The following UNC5C variants were observed in gnomAD, a reference collection of about 807,000 sequenced individuals.
UNC5C encodes netrin receptor UNC5C.
Under a neutral mutation model 99.8 loss-of-function variants are expected in UNC5C, and 47 were observed. That is an observed-to-expected ratio of 0.47 (90% CI 0.37 to 0.60). The LOEUF (loss-of-function observed/expected upper bound fraction) is 0.60. Ranked by LOEUF, UNC5C falls within the 20% of genes least tolerant of loss-of-function variation. The probability of loss-of-function intolerance (pLI) is 0.00; values close to 1 mark genes in which losing one functional copy is unlikely to be tolerated. For missense variants in UNC5C, 1,062 were observed against 1,165.9 expected (o/e 0.91, Z 1.30); for synonymous variants, 487 against 452.2 (o/e 1.08, Z -0.98).
At chr4:95,450,414 T>C (rs975363552) in intron 1 of UNC5C, among the ~76,000 whole-genome samples, 7 of 152,172 alleles carry the variant, frequency 4.6e-5, no homozygotes, top group Admixed American at 3.9e-4. Context: ...GTAGAGAGTG[T>C]GTGTCACTAT....
At chr4:95,273,273 C>T (rs1740724503) in intron 4 of UNC5C, among the ~76,000 whole-genome samples, 1 of 152,090 alleles carries the variant, frequency 6.6e-6, no homozygotes, top group Non-Finnish European at 1.5e-5. Context: ...AGCAATTATC[C>T]CCTTGTTAAA....
chr4:95,465,123 T>A (rs1278779574), intron 1 of UNC5C, among the ~76,000 whole-genome samples: 2 of 152,124 alleles, frequency 1.3e-5, no homozygotes, highest in African/African-American at 4.8e-5. Flanking sequence ...TCCAAATGAA[T>A]ACCGTATGGG....
chr4:95,476,238 T>C (rs1417251150), intron 1 of UNC5C, among the ~76,000 whole-genome samples: 1 of 152,040 alleles, frequency 6.6e-6, no homozygotes, highest in East Asian at 1.9e-4. Flanking sequence ...TTTTCAGTGG[T>C]TAGTCATGCT....
At chr4:95,245,170 T>C (rs1357630158) in intron 5 of UNC5C, 26 bp from the exon 6 acceptor site, 2 of 1,605,054 alleles carry the variant, frequency 1.2e-6, no homozygotes, top group African/African-American at 1.3e-5. Flanking sequence ...CAGTAAAAAG[T>C]GGATTAAACA....
At chr4:95,437,139 T>C (rs1443932156) in intron 1 of UNC5C, among the ~76,000 whole-genome samples, 1 of 151,958 alleles carries the variant, frequency 6.6e-6, no homozygotes, top group East Asian at 1.9e-4. Flanking sequence ...AAAGCATAGC[T>C]GAACATCAAA....
At position 95,165,464 on chromosome 4, in the gene UNC5C, T is replaced by A. The variant is rs1419308123; in HGVS notation, c.*3770A>T. ...TGGAAGATGCCGTTTGTGAAACAGCTGTTAGCTGTGAGAACCTTGGTGTTA... is the reference window on the plus strand; with the variant it reads ...TGGAAGATGCCGTTTGTGAAACAGCAGTTAGCTGTGAGAACCTTGGTGTTA... On this transcript the variant is annotated 3_prime_UTR_variant, in exon 16 of 16. Transcript: ENST00000453304. 1 of 152,218 alleles carries A rather than the reference T, an allele frequency of 6.6e-6. No homozygotes were observed. Among genetic ancestry groups the A allele is most frequent in the African/African-American group, 2.4e-5 (1 of 41,456 alleles). 9.4% of individuals were successfully genotyped at this position (152,218 alleles called of 1,614,324 possible).
chr4:95,387,173 C>T (rs769911708), intron 1 of UNC5C, among the ~76,000 whole-genome samples: 4 of 152,094 alleles, frequency 2.6e-5, no homozygotes, highest in Non-Finnish European at 4.4e-5. Flanking sequence ...AGGTCTCACT[C>T]TCTCACCCAG....
At chr4:95,509,030 G>A (rs1721997179) in intron 1 of UNC5C, among the ~76,000 whole-genome samples, 2 of 151,892 alleles carry the variant, frequency 1.3e-5, no homozygotes, top group Admixed American at 1.3e-4. Flanking sequence ...TTTCAAAAAT[G>A]AGTTTAAGTA....
chr4:95,195,334 C>T (rs890783357), intron 12 of UNC5C, among the ~76,000 whole-genome samples: 1 of 152,198 alleles, frequency 6.6e-6, no homozygotes, highest in Non-Finnish European at 1.5e-5. Context: ...CTCCCATACA[C>T]ACAGCAGCAA....
chr4:95,290,142 C>T (rs1475131644), intron 3 of UNC5C, among the ~76,000 whole-genome samples: 2 of 151,692 alleles, frequency 1.3e-5, no homozygotes, highest in African/African-American at 4.8e-5. Context: ...CCCATCTCTA[C>T]AAAAAATAGA....
chr4:95,386,494 T>C (rs1038935545), intron 1 of UNC5C, among the ~76,000 whole-genome samples: 1 of 152,220 alleles, frequency 6.6e-6, no homozygotes, highest in Admixed American at 6.5e-5. Context: ...GATCTTTTGA[T>C]CTGCTCACAT....
chr4:95,355,025 C>A (rs1049104859), intron 1 of UNC5C, among the ~76,000 whole-genome samples: 1 of 152,126 alleles, frequency 6.6e-6, no homozygotes, highest in African/African-American at 2.4e-5. Context: ...GATTGCAGAG[C>A]TGTCTGTATC....
intron 1 of UNC5C, among the ~76,000 whole-genome samples, chr4:95,468,476 A>T (rs1353302474): frequency 2.0e-5 from 3 of 152,120 alleles, no homozygotes; most frequent in Non-Finnish European, 2.9e-5. Context: ...CTATATCCAT[A>T]ATATCTTTCA....
At chr4:95,222,683 A>G (rs1738514560) in intron 7 of UNC5C, among the ~76,000 whole-genome samples, 1 of 152,134 alleles carries the variant, frequency 6.6e-6, no homozygotes, top group African/African-American at 2.4e-5. Context: ...TTATTTAATC[A>G]TAACAGCTTG....
rs544757348 is a variant in UNC5C at position 95,481,905 on chromosome 4, C to A, written c.124+66829G>T. Among the ~76,000 whole-genome samples the A allele has an allele frequency of 4.1e-3, 623 of 151,906 alleles. 4 individuals are homozygous for A. The highest frequency in any genetic ancestry group is 0.014 in the African/African-American group (596 of 41,434). Reference sequence around the variant, plus strand: ...ATGTTAAACCTAAAACCATAAAAACCCTAGAAGAAAACCTAGGCATTACCA... The same window carrying A: ...ATGTTAAACCTAAAACCATAAAAACACTAGAAGAAAACCTAGGCATTACCA... On this transcript the variant is annotated intron_variant, in intron 1 of 15. Coordinates refer to ENST00000453304, the MANE Select transcript of UNC5C (RefSeq NM_003728.4).
At chr4:95,480,810 C>G (rs11934567) in intron 1 of UNC5C, among the ~76,000 whole-genome samples, 3 of 151,854 alleles carry the variant, frequency 2.0e-5, no homozygotes, top group Non-Finnish European at 2.9e-5. Context: ...ATTCAACAAC[C>G]ATTCATGCTA....
intron 6 of UNC5C, among the ~76,000 whole-genome samples, chr4:95,243,344 A>G (rs963093888): frequency 1.3e-5 from 2 of 152,212 alleles, no homozygotes; most frequent in Non-Finnish European, 2.9e-5. Flanking sequence ...AACTTCAAAG[A>G]TAATGAACTT....
intron 14 of UNC5C, among the ~76,000 whole-genome samples, chr4:95,180,552 T>G (rs1265630394): frequency 6.6e-6 from 1 of 152,238 alleles, no homozygotes; most frequent in African/African-American, 2.4e-5. Flanking sequence ...AAAGCCTTTG[T>G]CTCTAGTTAA....
intron 10 of UNC5C, among the ~76,000 whole-genome samples, chr4:95,213,362 T>C (rs1027118860): frequency 6.6e-6 from 1 of 152,220 alleles, no homozygotes; most frequent in Non-Finnish European, 1.5e-5. Flanking sequence ...ATTGTGGAAA[T>C]TGTATCCACC....
Sources: allele counts gnomAD v4.1 joint callset (sites outside exome capture counted in the v4.1 genomes callset), GRCh38; gene constraint gnomAD v4.1.1; transcripts MANE v1.5; gene names NCBI Gene and HGNC (gene_info 2026-07-23, HGNC 2026-07-21).